Variants in CSMD3 observed in about 807,000 individuals in gnomAD.
The protein encoded by CSMD3 is CUB and sushi domain-containing protein 3.
Under a neutral mutation model 435.2 loss-of-function variants are expected in CSMD3, and 177 were observed. That is an observed-to-expected ratio of 0.41 (90% CI 0.36 to 0.46). The LOEUF (loss-of-function observed/expected upper bound fraction) is 0.46, where lower values mean the gene tolerates loss of function less well. CSMD3 is among the 20% of genes least tolerant of loss of function. The pLI is 0.34. For missense variants in CSMD3, 4,265 were observed against 4,504.6 expected (o/e 0.95, Z 1.52); for synonymous variants, 1,656 against 1,520.5 (o/e 1.09, Z -2.07).
At chr8:112,906,142 T>C (rs1028474224) in intron 10 of CSMD3, among the ~76,000 whole-genome samples, 3 of 151,372 alleles carry the variant, frequency 2.0e-5, no homozygotes, top group Non-Finnish European at 3.0e-5. Flanking sequence ...GAAACATTTC[T>C]TCTTTAAGAC....
chr8:112,408,221 C>T, intron 34 of CSMD3, 97 bp downstream of exon 34: 1 of 894,646 alleles, frequency 1.1e-6, no homozygotes, highest in Non-Finnish European at 1.9e-6. Flanking sequence ...CTTAAAAACA[C>T]TTTTATCTAG....
At chr8:113,433,382 TGGGC>T (rs1189412885) in intron 1 of CSMD3, among the ~76,000 whole-genome samples, 1 of 152,160 alleles carries the variant, frequency 6.6e-6, no homozygotes, top group Non-Finnish European at 1.5e-5. Context: ...CATGGCCACC[TGGGC>T]GGGCGTCTGT....
intron 28 of CSMD3, among the ~76,000 whole-genome samples, chr8:112,508,358 T>C (rs1822750499): frequency 6.6e-6 from 1 of 152,142 alleles, no homozygotes; most frequent in Admixed American, 6.5e-5. Flanking sequence ...CACCCTCTTG[T>C]TTATGGCAAG....
At chr8:112,795,870 A>G (rs2078815926) in intron 13 of CSMD3, among the ~76,000 whole-genome samples, 1 of 152,204 alleles carries the variant, frequency 6.6e-6, no homozygotes, top group Non-Finnish European at 1.5e-5. Context: ...ACACAAGTAT[A>G]CAAAAATCAA....
At chr8:113,276,701 T>C (rs1160872433) in intron 3 of CSMD3, among the ~76,000 whole-genome samples, 1 of 152,076 alleles carries the variant, frequency 6.6e-6, no homozygotes, top group Non-Finnish European at 1.5e-5. Flanking sequence ...AAAACTGAGA[T>C]AGTTTTTTAA....
intron 1 of CSMD3, among the ~76,000 whole-genome samples, chr8:113,327,071 C>A (rs972586528): frequency 6.6e-6 from 1 of 152,106 alleles, no homozygotes; most frequent in African/African-American, 2.4e-5. Context: ...TTCCCACTGC[C>A]ACCCAAGAGC....
At chr8:113,000,657 T>A (rs1301257392) in intron 6 of CSMD3, among the ~76,000 whole-genome samples, 1 of 152,084 alleles carries the variant, frequency 6.6e-6, no homozygotes, top group African/African-American at 2.4e-5. Context: ...TCAATCTACC[T>A]TATGGACACT....
intron 41 of CSMD3, among the ~76,000 whole-genome samples, chr8:112,345,684 T>C (rs1825597866): frequency 6.6e-6 from 1 of 152,094 alleles, no homozygotes; most frequent in Admixed American, 6.6e-5. Context: ...TAACAACATA[T>C]TGCGCTCTTG....
intron 1 of CSMD3, among the ~76,000 whole-genome samples, chr8:113,399,710 G>A (rs1315673021): frequency 1.3e-5 from 2 of 151,720 alleles, no homozygotes; most frequent in African/African-American, 2.4e-5. Flanking sequence ...TGTTGTGGGG[G>A]AGAATACAAA....
intron 10 of CSMD3, among the ~76,000 whole-genome samples, chr8:112,870,650 T>C (rs976672598): frequency 6.6e-5 from 10 of 152,100 alleles, no homozygotes; most frequent in South Asian, 6.2e-4. Context: ...TTAGATAATA[T>C]GTTTTTAATT....
chr8:113,292,652 A>G (rs2093694067), intron 2 of CSMD3, among the ~76,000 whole-genome samples: 1 of 151,912 alleles, frequency 6.6e-6, no homozygotes, highest in Non-Finnish European at 1.5e-5. Flanking sequence ...ACAAAAATGT[A>G]ATTTTTGAGG....
chr8:113,156,404 ATC>A (rs1244561608), intron 4 of CSMD3, among the ~76,000 whole-genome samples: 1 of 152,090 alleles, frequency 6.6e-6, no homozygotes, highest in Non-Finnish European at 1.5e-5. Flanking sequence ...ATTTGAAAAT[ATC>A]TGTCTTCTTT....
chr8:113,360,962 C>A (rs976614128), intron 1 of CSMD3, among the ~76,000 whole-genome samples: 5 of 152,076 alleles, frequency 3.3e-5, no homozygotes, highest in Non-Finnish European at 7.4e-5. Context: ...ATTCAAATAT[C>A]ATTTCACTGA....
At chr8:112,713,750 G>A (rs948781211) in intron 13 of CSMD3, among the ~76,000 whole-genome samples, 1 of 152,174 alleles carries the variant, frequency 6.6e-6, no homozygotes, top group South Asian at 2.1e-4. Context: ...CAAGCCAGAA[G>A]AGAGTGGGGA....
chr8:112,405,698 A>G (rs915608909), intron 35 of CSMD3, among the ~76,000 whole-genome samples: 2 of 151,908 alleles, frequency 1.3e-5, no homozygotes, highest in Non-Finnish European at 2.9e-5. Context: ...AAAATTTATA[A>G]TTTTATATTT....
intron 3 of CSMD3, among the ~76,000 whole-genome samples, chr8:113,248,983 C>G (rs1056304950): frequency 2.0e-5 from 3 of 151,960 alleles, no homozygotes; most frequent in Non-Finnish European, 2.9e-5. Flanking sequence ...TCAAATCTCA[C>G]TTTGAATTGT....
chr8:112,525,041 C>T (rs967598587), intron 27 of CSMD3, among the ~76,000 whole-genome samples: 27 of 151,700 alleles, frequency 1.8e-4, no homozygotes, highest in Admixed American at 8.5e-4. Context: ...TCATCATAAG[C>T]CATACTATTT....
At chr8:112,361,096 G>T (rs1246941584) in intron 38 of CSMD3, among the ~76,000 whole-genome samples, 1 of 151,802 alleles carries the variant, frequency 6.6e-6, no homozygotes, top group East Asian at 1.9e-4. Context: ...GTAGAAATGT[G>T]GAAAAGGCTT....
At chr8:112,838,307 AAGC>A (rs2080086065) in intron 11 of CSMD3, among the ~76,000 whole-genome samples, 1 of 151,864 alleles carries the variant, frequency 6.6e-6, no homozygotes, top group Non-Finnish European at 1.5e-5. Flanking sequence ...TGAAGGCAGA[AAGC>A]AGACCATGTT....
Sources: gnomAD v4.1 joint callset for allele counts (sites outside exome capture counted in the v4.1 genomes callset) on GRCh38, gnomAD v4.1.1 for gene constraint, MANE v1.5 for transcripts, NCBI Gene and HGNC (gene_info 2026-07-23, HGNC 2026-07-21) for gene names.